Variants in SIPA1L1 observed in about 807,000 individuals in gnomAD.
SIPA1L1 encodes the protein signal induced proliferation associated 1 like 1.
SIPA1L1 carries 26 observed loss-of-function variants against 162.7 expected under a neutral mutation model. The ratio of observed to expected loss-of-function variants is 0.16; its 90% CI spans 0.12 to 0.22. The LOEUF is 0.22. SIPA1L1 is among the 10% of genes least tolerant of loss of function. SIPA1L1 has a pLI of 1.00. For synonymous variants in SIPA1L1, 829 were observed against 837.4 expected, an observed-to-expected ratio of 0.99 and a Z score of 0.17; for missense variants, 1,874 against 2,241.0, an observed-to-expected ratio of 0.84 and a Z score of 3.31.
intron 2 of SIPA1L1, among the ~76,000 whole-genome samples, chr14:71,342,556 A>G (rs1156381980): frequency 1.3e-5 from 2 of 152,238 alleles, no homozygotes; most frequent in Non-Finnish European, 2.9e-5. Flanking sequence ...GGCTTTTCCA[A>G]GTATTCATCT....
At chr14:71,590,041 AAAAAT>A (rs1258294323) in intron 5 of SIPA1L1, among the ~76,000 whole-genome samples, 16 of 69,184 alleles carry the variant, frequency 2.3e-4, no homozygotes, top group African/African-American at 7.2e-4. Context: ...AAAAAAAAAA[AAAAAT>A]ATATATATAT....
rs370295160 is a variant in SIPA1L1 at position 71,694,492 on chromosome 14, TA to T, written c.3375-4479del. Among the ~76,000 whole-genome samples, 876 of 145,120 alleles carry T rather than the reference TA, an allele frequency of 6.0e-3. 8 individuals are homozygous for T. The highest frequency in any genetic ancestry group is 0.021 in the African/African-American group (835 of 39,714). On this transcript the variant is annotated intron_variant, in intron 13 of 23. Transcript: ENST00000381232. ...TTTCAATTGCGCATTCTTAGTACAATAAAAAAAAAAGCCCTGGTGTTTTATT... is the reference window on the plus strand; with the variant it reads ...TTTCAATTGCGCATTCTTAGTACAATAAAAAAAAAGCCCTGGTGTTTTATT...
intron 2 of SIPA1L1, among the ~76,000 whole-genome samples, chr14:71,387,165 G>A (rs183673902): frequency 1.5e-3 from 225 of 145,396 alleles, no homozygotes; most frequent in Non-Finnish European, 2.7e-3. Flanking sequence ...GAAGAATTGC[G>A]TGAATCTGGG....
At chr14:71,356,022 C>G (rs1394523760) in intron 2 of SIPA1L1, among the ~76,000 whole-genome samples, 1 of 152,158 alleles carries the variant, frequency 6.6e-6, no homozygotes, top group East Asian at 1.9e-4. Context: ...GTTGCCAGTT[C>G]TGCACTGTGG....
In SIPA1L1 at chr14:71,510,177, CTTTTTTTTT is replaced by C. The variant is rs985233367; in HGVS notation, c.-464-2550_-464-2542del. ...GCTAGTTCCCCTTAATCCCCCCCACCTTTTTTTTTTTTTTTTTTTTTTTTGTGAGATGGA... is the reference window on the plus strand; with the variant it reads ...GCTAGTTCCCCTTAATCCCCCCCACCTTTTTTTTTTTTTTTGTGAGATGGA... On this transcript the variant is annotated intron_variant, in intron 2 of 23. Coordinates refer to ENST00000381232, the MANE Select transcript of SIPA1L1 (RefSeq NM_001386936.1). 3.9e-5 allele frequency among the ~76,000 whole-genome samples: 3 copies of C among 77,468 alleles called. 1 individual carries two copies. Among genetic ancestry groups the C allele is most frequent in the Admixed American group, 3.6e-4 (2 of 5,484 alleles). The allele number at this position is 77,468 out of a possible 152,430, so 50.8% of individuals were successfully genotyped here.
At chr14:71,707,852 G>A (rs1473405174) in intron 16 of SIPA1L1, among the ~76,000 whole-genome samples, 1 of 151,658 alleles carries the variant, frequency 6.6e-6, no homozygotes. Flanking sequence ...TTTTCCCATA[G>A]TTACCACCCC....
intron 11 of SIPA1L1, 43 bp from the exon 12 acceptor site, chr14:71,672,305 C>A (rs1448188378): frequency 6.3e-7 from 1 of 1,598,474 alleles, no homozygotes. Flanking sequence ...CCACTTAATA[C>A]CCTATTGCTT....
intron 5 of SIPA1L1, among the ~76,000 whole-genome samples, chr14:71,602,522 G>GT (rs1363355469): frequency 1.3e-5 from 2 of 152,232 alleles, no homozygotes; most frequent in Admixed American, 6.5e-5. Context: ...TGAAAAGAAT[G>GT]TGTATGCTGC....
chr14:71,406,837 T>A (rs1301459887), intron 2 of SIPA1L1, among the ~76,000 whole-genome samples: 2 of 152,250 alleles, frequency 1.3e-5, no homozygotes, highest in Non-Finnish European at 2.9e-5. Context: ...AACAAGTGCC[T>A]GTGGATGAAT....
chr14:71,573,810 A>G (rs1263308044), intron 4 of SIPA1L1: 1 of 425,312 alleles, frequency 2.4e-6, no homozygotes, highest in Non-Finnish European at 4.7e-6. Flanking sequence ...GTATTCCAGT[A>G]CTTTTTCCTA....
chr14:71,388,548 C>T (rs925335852), intron 2 of SIPA1L1, among the ~76,000 whole-genome samples: 4 of 152,192 alleles, frequency 2.6e-5, no homozygotes, highest in Admixed American at 6.5e-5. Flanking sequence ...TGTCAAATTC[C>T]AGACTCTAGA....
chr14:71,634,529 AC>A (rs1465834581), intron 7 of SIPA1L1, among the ~76,000 whole-genome samples: 1 of 152,140 alleles, frequency 6.6e-6, no homozygotes, highest in East Asian at 1.9e-4. Flanking sequence ...GAAGAAAAGA[AC>A]TGTCAACCCA....
intron 10 of SIPA1L1, among the ~76,000 whole-genome samples, chr14:71,663,175 G>C (rs1008320351): frequency 6.6e-6 from 1 of 152,070 alleles, no homozygotes; most frequent in African/African-American, 2.4e-5. Context: ...CACTGTTTTT[G>C]ACCAATTTAT....
At chr14:71,476,649 T>TTTTATTTATTTA (rs200935200) in intron 2 of SIPA1L1, among the ~76,000 whole-genome samples, 80 of 146,324 alleles carry the variant, frequency 5.5e-4, no homozygotes, top group African/African-American at 1.5e-3. Flanking sequence ...AATTTGTTCG[T>TTTTATTTATTTA]TTTATTTATT....
chr14:71,526,807 T>C (rs2052925976), intron 3 of SIPA1L1, among the ~76,000 whole-genome samples: 1 of 152,240 alleles, frequency 6.6e-6, no homozygotes, highest in Non-Finnish European at 1.5e-5. Context: ...GTTTCGGCTA[T>C]TACAGCTAAC....
At chr14:71,442,190 A>C (rs1158798295) in intron 2 of SIPA1L1, among the ~76,000 whole-genome samples, 3 of 151,132 alleles carry the variant, frequency 2.0e-5, no homozygotes, top group Non-Finnish European at 4.4e-5. Context: ...AAAAAAAAAA[A>C]AAAAAAAAAG....
At chr14:71,423,259 C>T (rs912501049) in intron 2 of SIPA1L1, among the ~76,000 whole-genome samples, 1 of 152,024 alleles carries the variant, frequency 6.6e-6, no homozygotes, top group Non-Finnish European at 1.5e-5. Flanking sequence ...AATATTTTCT[C>T]CCATTCTGTG....
intron 10 of SIPA1L1, among the ~76,000 whole-genome samples, chr14:71,669,874 T>C (rs2044351408): frequency 6.6e-6 from 1 of 152,200 alleles, no homozygotes; most frequent in African/African-American, 2.4e-5. Flanking sequence ...AGGTTGCTGA[T>C]TTTTATTTTT....
chr14:71,566,067 A>T (rs958027650), intron 4 of SIPA1L1, among the ~76,000 whole-genome samples: 5 of 152,158 alleles, frequency 3.3e-5, no homozygotes, highest in East Asian at 1.9e-4. Flanking sequence ...AAAGAGAATC[A>T]TCAAAATATT....
Sources: gnomAD v4.1 joint callset for allele counts (sites outside exome capture counted in the v4.1 genomes callset) on GRCh38, gnomAD v4.1.1 for gene constraint, MANE v1.5 for transcripts, NCBI Gene and HGNC (gene_info 2026-07-23, HGNC 2026-07-21) for gene names.